The following PSMD1 variants were observed in gnomAD, a reference collection of about 807,000 sequenced individuals.
PSMD1 encodes proteasome 26S subunit, non-ATPase 1, also known as 26S proteasome non-ATPase regulatory subunit 1.
In PSMD1, 18 loss-of-function variants were observed where a neutral mutation model predicts 119.0. The observed-to-expected ratio is 0.15, with a 90% CI of 0.10 to 0.22. The LOEUF (loss-of-function observed/expected upper bound fraction) is 0.22, where lower values mean the gene tolerates loss of function less well. Ranked by LOEUF, PSMD1 falls within the 10% of genes least tolerant of loss-of-function variation. The probability of loss-of-function intolerance (pLI) is 1.00; values close to 1 mark genes in which losing one functional copy is unlikely to be tolerated. For missense variants in PSMD1, 702 were observed against 1,158.5 expected, an observed-to-expected ratio of 0.61 and a Z score of 5.72; for synonymous variants, 374 against 396.6, an observed-to-expected ratio of 0.94 and a Z score of 0.68.
chr2:231,146,432 G>A (rs778754483), intron 18 of PSMD1, 76 bp downstream of exon 18: 105 of 1,105,886 alleles, frequency 9.5e-5, no homozygotes, highest in African/African-American at 1.4e-4. Flanking sequence ...TTTTGAGGAC[G>A]TTTTTTAGTT....
intron 16 of PSMD1, chr2:231,113,687 A>G (rs1254570252): frequency 1.9e-6 from 3 of 1,577,806 alleles, no homozygotes; most frequent in Non-Finnish European, 2.6e-6. Context: ...AGTGGAACCA[A>G]AGATTTTGTA....
intron 2 of PSMD1, among the ~76,000 whole-genome samples, chr2:231,061,761 A>G (rs915005434): frequency 2.0e-5 from 3 of 151,808 alleles, no homozygotes; most frequent in Admixed American, 6.6e-5. Flanking sequence ...ATGGGGTCTC[A>G]CTGTGTTGTC....
chr2:231,105,938 A>G, intron 16 of PSMD1, among the ~76,000 whole-genome samples: 1 of 125,494 alleles, frequency 8.0e-6, no homozygotes, highest in Admixed American at 8.1e-5. Flanking sequence ...ACTTTTCCTT[A>G]CTTTTTGTCA....
chr2:231,095,018 C>T (rs1022843719), intron 16 of PSMD1, among the ~76,000 whole-genome samples: 2 of 152,178 alleles, frequency 1.3e-5, no homozygotes, highest in East Asian at 1.9e-4. Context: ...TTCCAGGAAG[C>T]GTAGCCCTGG....
At position 231,172,825 on chromosome 2, in the gene PSMD1, A is replaced by G. The variant is rs1696940265; in HGVS notation, c.*300A>G. On this transcript the variant is annotated 3_prime_UTR_variant, in exon 25 of 25. Transcript: ENST00000308696. ...ATCCTCCCCACACCATGAAATGCCT[A>G]AATCCCAAGAGCCAGAGTCTTGATT... 3 of 152,318 alleles carry G rather than the reference A, an allele frequency of 2.0e-5. No individual in the cohort carries two copies. The South Asian group carries it at 6.2e-4, about 32-fold the overall frequency. 9.4% of individuals were successfully genotyped at this position (152,318 alleles called of 1,614,324 possible).
chr2:231,113,695 G>A (rs1419284672), intron 16 of PSMD1: 3 of 1,581,964 alleles, frequency 1.9e-6, no homozygotes, highest in Non-Finnish European at 2.6e-6. Flanking sequence ...CAAAGATTTT[G>A]TATACCACCC....
At chr2:231,120,738 C>T (rs1233968243) in intron 16 of PSMD1, among the ~76,000 whole-genome samples, 5 of 152,158 alleles carry the variant, frequency 3.3e-5, no homozygotes, top group Non-Finnish European at 5.9e-5. Flanking sequence ...GTGTTACTTT[C>T]ATTGAATTCC....
chr2:231,067,188 A>G (rs181271222), intron 5 of PSMD1, 77 bp downstream of exon 5: 84 of 1,136,374 alleles, frequency 7.4e-5, no homozygotes, highest in Admixed American at 6.0e-4. Context: ...TGAAACTTTC[A>G]TAGGCAGTGA....
chr2:231,138,783 A>G lies in PSMD1; in HGVS notation c.1931A>G (p.Tyr644Cys). ...PSVVSLLSES[Y>C]NPHVRYGAAM... ...GTTGTCTCTTTGTTGTCAGAGAGTTACAACCCTCATGTGCGCTACGGAGCT... is the reference window on the plus strand; with the variant it reads ...GTTGTCTCTTTGTTGTCAGAGAGTTGCAACCCTCATGTGCGCTACGGAGCT... Residue 644 changes from tyrosine (Y) to cysteine (C), a missense_variant, in exon 17 of 25, where the codon TAC becomes TGC. By Grantham distance (194) the Tyr-to-Cys change is radical. Coordinates refer to ENST00000308696, the MANE Select transcript of PSMD1 (RefSeq NM_002807.4). The G allele has an allele frequency of 6.2e-7, 1 of 1,614,206 alleles. No homozygotes were observed. Among genetic ancestry groups the G allele is most frequent in the Non-Finnish European group, 8.5e-7 (1 of 1,180,038 alleles).
intron 16 of PSMD1, among the ~76,000 whole-genome samples, chr2:231,119,455 A>G (rs1224768007): frequency 6.6e-6 from 1 of 152,214 alleles, no homozygotes; most frequent in East Asian, 1.9e-4. Context: ...CCAACACGGG[A>G]GAACCAGGAT....
intron 12 of PSMD1, among the ~76,000 whole-genome samples, chr2:231,082,371 C>T (rs568651300): frequency 6.6e-6 from 1 of 152,312 alleles, no homozygotes; most frequent in South Asian, 2.1e-4. Flanking sequence ...AGCCTCAGCT[C>T]ACTATTTTTT....
intron 16 of PSMD1, among the ~76,000 whole-genome samples, chr2:231,090,397 A>G (rs575267970): frequency 6.6e-6 from 1 of 152,256 alleles, no homozygotes; most frequent in South Asian, 2.1e-4. Flanking sequence ...TGTCTCTACT[A>G]AAAATACAAA....
chr2:231,166,031 G>A lies in PSMD1; in HGVS notation c.2715+14G>A. On this transcript the variant is annotated intron_variant, in intron 23 of 24. Coordinates refer to ENST00000308696, the MANE Select transcript of PSMD1 (RefSeq NM_002807.4). ...CCTTTCAAACCAGTAAGTTACCAGT[G>A]ACTCTTAGCTGTATATACCAGTGGG... 6.2e-7 allele frequency: 1 copy of A among 1,608,776 alleles called. No homozygotes were observed. Among genetic ancestry groups the A allele is most frequent in the Non-Finnish European group, 8.5e-7 (1 of 1,177,322 alleles).
chr2:231,124,532 G>T (rs1202130614), intron 16 of PSMD1, among the ~76,000 whole-genome samples: 2 of 151,788 alleles, frequency 1.3e-5, no homozygotes, highest in Admixed American at 6.6e-5. Flanking sequence ...GTCTTATCAG[G>T]TTTGTGAGTA....
At chr2:231,158,374 G>C (rs1696558863) in intron 19 of PSMD1, among the ~76,000 whole-genome samples, 1 of 152,102 alleles carries the variant, frequency 6.6e-6, no homozygotes, top group Non-Finnish European at 1.5e-5. Flanking sequence ...TTCAAGGGAA[G>C]GAATGAAGTT....
chr2:231,075,439 C>G, intron 7 of PSMD1, 72 bp from the exon 8 acceptor site: 1 of 1,307,256 alleles, frequency 7.6e-7, no homozygotes, highest in Admixed American at 2.1e-5. Context: ...TCAATTTGGA[C>G]ATGGTTCAGA....
intron 16 of PSMD1, among the ~76,000 whole-genome samples, chr2:231,124,310 A>T (rs568381713): frequency 1.3e-5 from 2 of 152,232 alleles, no homozygotes; most frequent in South Asian, 4.1e-4. Context: ...AGACACATTA[A>T]TTTTTTCAAT....
chr2:231,115,474 G>A (rs930232286), intron 16 of PSMD1, among the ~76,000 whole-genome samples: 1 of 152,116 alleles, frequency 6.6e-6, no homozygotes, highest in African/African-American at 2.4e-5. Context: ...AAGAATAAAT[G>A]ATTGGGACTT....
At chr2:231,155,300 T>A (rs1696460136) in intron 19 of PSMD1, among the ~76,000 whole-genome samples, 1 of 152,222 alleles carries the variant, frequency 6.6e-6, no homozygotes, top group Non-Finnish European at 1.5e-5. Context: ...TTTGTTGCAG[T>A]CATTGTTTCC....
Sources: gnomAD v4.1 joint callset for allele counts (sites outside exome capture counted in the v4.1 genomes callset) on GRCh38, gnomAD v4.1.1 for gene constraint, MANE v1.5 for transcripts, NCBI Gene and HGNC (gene_info 2026-07-23, HGNC 2026-07-21) for gene names.